MAD1L1: variants seen among roughly 807,000 people sequenced by gnomAD.
MAD1L1 encodes mitotic spindle assembly checkpoint protein MAD1.
Under a neutral mutation model 96.9 loss-of-function variants are expected in MAD1L1, and 95 were observed. The observed-to-expected ratio is 0.98, with a 90% CI of 0.83 to 1.16. The LOEUF is 1.16. MAD1L1 is among the 50% of genes most tolerant of loss of function. MAD1L1 has a pLI of 0.00. For missense variants in MAD1L1, 1,007 were observed against 954.4 expected (o/e 1.06, Z -0.73); for synonymous variants, 473 against 396.6 (o/e 1.19, Z -2.29).
intron 18 of MAD1L1, among the ~76,000 whole-genome samples, chr7:1,897,402 G>T (rs1488175468): frequency 6.6e-6 from 1 of 152,190 alleles, no homozygotes; most frequent in Non-Finnish European, 1.5e-5. Context: ...CCTTCCTGAA[G>T]CAGCCACATG....
intron 17 of MAD1L1, among the ~76,000 whole-genome samples, chr7:1,909,871 T>A (rs34967784): frequency 0.014 from 2,171 of 152,014 alleles, 47 homozygotes; most frequent in African/African-American, 0.05. Context: ...CACACTCTGC[T>A]CCAGTGAGAA....
intron 11 of MAD1L1, among the ~76,000 whole-genome samples, chr7:2,130,883 C>T (rs565963832): frequency 6.6e-6 from 1 of 152,202 alleles, no homozygotes; most frequent in Admixed American, 6.5e-5. Flanking sequence ...TAAAGGCCAC[C>T]GCATCGAATC....
chr7:2,035,150 A>G (rs1783407907), intron 12 of MAD1L1, among the ~76,000 whole-genome samples: 1 of 152,274 alleles, frequency 6.6e-6, no homozygotes, highest in South Asian at 2.1e-4. Flanking sequence ...GGCAGCCCAG[A>G]GGGGCCACAT....
chr7:2,158,709 T>C (rs1470588152), intron 10 of MAD1L1, among the ~76,000 whole-genome samples: 3 of 152,112 alleles, frequency 2.0e-5, no homozygotes, highest in Non-Finnish European at 4.4e-5. Flanking sequence ...GCAACACAAT[T>C]GTGTGGAAAG....
At chr7:1,900,556 C>T (rs772037487) in intron 17 of MAD1L1, among the ~76,000 whole-genome samples, 3 of 152,170 alleles carry the variant, frequency 2.0e-5, no homozygotes, top group Non-Finnish European at 4.4e-5. Context: ...AATCTGAAGG[C>T]TAATTGGCAG....
intron 11 of MAD1L1, among the ~76,000 whole-genome samples, chr7:2,073,482 C>A (rs955089259): frequency 1.2e-4 from 19 of 152,186 alleles, no homozygotes; most frequent in African/African-American, 4.6e-4. Context: ...ATAACTAGAG[C>A]CTGGGATCTG....
intron 5 of MAD1L1, among the ~76,000 whole-genome samples, chr7:2,220,661 C>A (rs1475158472): frequency 1.3e-5 from 2 of 152,316 alleles, no homozygotes; most frequent in East Asian, 3.9e-4. Flanking sequence ...AGAACGTGCC[C>A]AGCTTAGGGC....
At chr7:2,167,377 C>G (rs1401904362) in intron 10 of MAD1L1, among the ~76,000 whole-genome samples, 1 of 152,006 alleles carries the variant, frequency 6.6e-6, no homozygotes, top group African/African-American at 2.4e-5. Context: ...GAAACCCCGT[C>G]TCTACTAAAA....
At chr7:2,165,939 G>T (rs1309038326) in intron 10 of MAD1L1, among the ~76,000 whole-genome samples, 2 of 152,192 alleles carry the variant, frequency 1.3e-5, no homozygotes, top group African/African-American at 2.4e-5. Context: ...TGGAACTCCA[G>T]TGTGGTTACT....
intron 16 of MAD1L1, among the ~76,000 whole-genome samples, chr7:1,954,510 CA>C (rs1000810484): frequency 1.3e-5 from 2 of 152,120 alleles, no homozygotes; most frequent in East Asian, 3.9e-4. Flanking sequence ...GAGGTGGGGA[CA>C]GGGGTGGGGC....
rs776306873 is a variant in MAD1L1, at chr7:2,225,393, G to A, written c.291+17C>T. The A allele has an allele frequency of 2.9e-5, 46 of 1,611,286 alleles. No homozygotes were observed. Among genetic ancestry groups the A allele is most frequent in the South Asian group, 1.9e-4 (17 of 91,064 alleles). ...CCTGGGGCTGTCTGGGCCGACCCTC[G>A]CCCCGCCTGAACCCACCTCGTAGTT... On this transcript the variant is annotated intron_variant, in intron 4 of 18. Coordinates refer to ENST00000265854, the MANE Select transcript of MAD1L1 (RefSeq NM_001013836.2).
At chr7:1,917,661 G>A (rs1350494989) in intron 17 of MAD1L1, among the ~76,000 whole-genome samples, 2 of 152,204 alleles carry the variant, frequency 1.3e-5, no homozygotes, top group African/African-American at 4.8e-5. Flanking sequence ...AGGGTGTCGC[G>A]GCGACGGAGC....
At chr7:1,929,791 G>A (rs537662983) in intron 17 of MAD1L1, among the ~76,000 whole-genome samples, 5 of 110,112 alleles carry the variant, frequency 4.5e-5, no homozygotes, top group Admixed American at 1.8e-4. Flanking sequence ...CCACTGCCAC[G>A]TCCCCTCGCC....
intron 14 of MAD1L1, among the ~76,000 whole-genome samples, chr7:1,981,289 C>T (rs2128484282): frequency 1.3e-5 from 2 of 152,276 alleles, no homozygotes; most frequent in South Asian, 4.1e-4. Flanking sequence ...TCTAACTCGC[C>T]CCTACACACC....
chr7:2,082,097 C>T (rs900472846), intron 11 of MAD1L1, among the ~76,000 whole-genome samples: 12 of 151,786 alleles, frequency 7.9e-5, no homozygotes, highest in Non-Finnish European at 1.8e-4. Context: ...AAGCAGAGAC[C>T]GAGGAATAAA....
intron 18 of MAD1L1, among the ~76,000 whole-genome samples, chr7:1,826,960 AATTATT>A (rs925402152): frequency 4.6e-5 from 7 of 152,212 alleles, no homozygotes; most frequent in South Asian, 2.1e-4. Flanking sequence ...CCAAACCAAC[AATTATT>A]ATTATTATTA....
chr7:2,036,604 G>A (rs753538069), intron 12 of MAD1L1, among the ~76,000 whole-genome samples: 5 of 152,168 alleles, frequency 3.3e-5, no homozygotes, highest in African/African-American at 4.8e-5. Context: ...CCAAGCTCCA[G>A]GCAGTGGTAA....
intron 11 of MAD1L1, among the ~76,000 whole-genome samples, chr7:2,075,978 C>A (rs1230288031): frequency 1.3e-5 from 2 of 152,218 alleles, no homozygotes; most frequent in Non-Finnish European, 2.9e-5. Flanking sequence ...GAGCCCACGG[C>A]GTGGCCACCG....
At chr7:1,994,924 C>T (rs971110790) in intron 14 of MAD1L1, among the ~76,000 whole-genome samples, 1 of 152,242 alleles carries the variant, frequency 6.6e-6, no homozygotes, top group Non-Finnish European at 1.5e-5. Flanking sequence ...AAGATTTCCA[C>T]CCACCCCAGC....
Sources: gnomAD v4.1 joint callset for allele counts (sites outside exome capture counted in the v4.1 genomes callset) on GRCh38, gnomAD v4.1.1 for gene constraint, MANE v1.5 for transcripts, NCBI Gene and HGNC (gene_info 2026-07-23, HGNC 2026-07-21) for gene names.